ODAD3: variants seen among roughly 807,000 people sequenced by gnomAD.
The protein encoded by ODAD3 is outer dynein arm-docking complex subunit 3.
In ODAD3, 57 loss-of-function variants were observed where a neutral mutation model predicts 70.9. That is an observed-to-expected ratio of 0.80 (90% confidence interval 0.65 to 1.00). The LOEUF (loss-of-function observed/expected upper bound fraction) is 1.00, where lower values mean the gene tolerates loss of function less well. ODAD3 is among the 50% of genes least tolerant of loss of function. The probability of loss-of-function intolerance (pLI) is 0.00; values close to 1 mark genes in which losing one functional copy is unlikely to be tolerated. For synonymous variants in ODAD3, 327 were observed against 315.9 expected, an observed-to-expected ratio of 1.04 and a Z score of -0.37; for missense variants, 797 against 763.9, an observed-to-expected ratio of 1.04 and a Z score of -0.51.
At chr19:11,432,180 T>TGG (rs1485930808) in intron 1 of ODAD3, among the ~76,000 whole-genome samples, 1 of 152,200 alleles carries the variant, frequency 6.6e-6, no homozygotes, top group African/African-American at 2.4e-5. Context: ...GTCAGCCCTG[T>TGG]GGAACCTGCA....
chr19:11,435,522 C>T (rs1294372898), upstream of ODAD3: 2 of 462,426 alleles, frequency 4.3e-6, no homozygotes, highest in African/African-American at 2.0e-5. Flanking sequence ...AGATGGCCGT[C>T]TCGGCTCTGG....
chr19:11,433,613 C>G (rs1259495150), intron 1 of ODAD3, among the ~76,000 whole-genome samples: 1 of 152,190 alleles, frequency 6.6e-6, no homozygotes, highest in Non-Finnish European at 1.5e-5. Context: ...GGATTCCAAC[C>G]CAGAAAATCT....
At chr19:11,430,585 G>T in intron 3 of ODAD3, 114 bp downstream of exon 3, 1 of 939,354 alleles carries the variant, frequency 1.1e-6, no homozygotes, top group Non-Finnish European at 1.7e-6. Context: ...AATTGAATGA[G>T]CACATGAATG....
Position 11,422,843 on chromosome 19 carries a change from G to C in ODAD3, c.1135C>G (p.Leu379Val), listed in dbSNP as rs757344292. Residue 379 changes from leucine to valine, a missense_variant, in exon 9 of 13, where the codon CTG becomes GTG. Physicochemically the swap from Leu to Val is conservative, Grantham distance 32 (BLOSUM62 1). Coordinates refer to ENST00000356392, the MANE Select transcript of ODAD3 (RefSeq NM_145045.5). This position sits in a 1 kb window ranked among gnomAD's most constrained non-coding sequence, Gnocchi z 4.6. ...DETHSLVRRF[L>V]AQGDTFAQLE... The stretch of plus-strand genomic sequence containing the variant: ...TGCGCGAAGGTGTCGCCCTGGGCCA[G>C]GAACCGCCGCACCAACGACTGCGGG... The C allele has an allele frequency of 3.7e-6, 6 of 1,601,708 alleles. No homozygotes were observed. In the East Asian group the frequency reaches 1.3e-4, roughly 36 times the overall value.
intron 7 of ODAD3, among the ~76,000 whole-genome samples, chr19:11,425,281 A>T (rs141721345): frequency 7.1e-6 from 1 of 140,288 alleles, no homozygotes; most frequent in Non-Finnish European, 1.5e-5. Flanking sequence ...ATGTGTGTAT[A>T]TGTACATATG....
chr19:11,423,748 T>G, intron 8 of ODAD3, 129 bp downstream of exon 8: 1 of 891,172 alleles, frequency 1.1e-6, no homozygotes, highest in Non-Finnish European at 1.7e-6. Context: ...AGGAGCAGGT[T>G]TGTGAGCTGA....
chr19:11,425,312 CAT>C lies in ODAD3; in HGVS notation c.963+830_963+831del, dbSNP rs1491261486. Among the ~76,000 whole-genome samples the C allele has an allele frequency of 2.8e-4, 28 of 99,592 alleles. 3 individuals carry two copies. Among genetic ancestry groups the C allele is most frequent in the South Asian group, 6.3e-4 (2 of 3,158 alleles). 65.3% of individuals were successfully genotyped at this position (99,592 alleles called of 152,430 possible). ...ATATGTGTATATATGTGTATGTGTA[CAT>C]ATGTGTATATGTACATATGTGTATA... is the stretch of plus-strand genomic sequence containing the variant. On this transcript the variant is annotated intron_variant, in intron 7 of 12. Transcript: ENST00000356392.
rs1416506093 is a variant in ODAD3, at chr19:11,425,249, A to ATG, written c.963+893_963+894dup. On this transcript the variant is annotated intron_variant, in intron 7 of 12. Coordinates refer to ENST00000356392, the MANE Select transcript of ODAD3 (RefSeq NM_145045.5). The stretch of plus-strand genomic sequence containing the variant: ...TGTGTATATGTACATATGTGTATAT[A>ATG]TGTATATGTACATATGTGTATATGT... Among the ~76,000 whole-genome samples the ATG allele has an allele frequency of 4.8e-4, 54 of 113,284 alleles. 4 individuals are homozygous for ATG. Among genetic ancestry groups the ATG allele is most frequent in the African/African-American group, 2.6e-3 (43 of 16,766 alleles). The allele number at this position is 113,284 out of a possible 152,430, so 74.3% of individuals were successfully genotyped here. A position where few individuals can be genotyped will look rare whatever the true frequency, so the allele number is the denominator to read the frequency against.
At chr19:11,429,741 T>C (rs1037356236) in intron 3 of ODAD3, among the ~76,000 whole-genome samples, 1 of 151,706 alleles carries the variant, frequency 6.6e-6, no homozygotes, top group Non-Finnish European at 1.5e-5. Flanking sequence ...GGTTTCACCG[T>C]GTTAGCCAGG....
chr19:11,425,466 T>TATGTATATATACATATATGTGTGTGTAA (rs1969327867), intron 7 of ODAD3, among the ~76,000 whole-genome samples: 2 of 120,088 alleles, frequency 1.7e-5, no homozygotes, highest in African/African-American at 6.2e-5. Context: ...TGTGTGTGTA[T>TATGTATATATACATATATGTGTGTGTAA]ATATGTATAT....
intron 7 of ODAD3, among the ~76,000 whole-genome samples, 181 bp from the exon 8 acceptor site, chr19:11,424,210 G>C (rs1009583265): frequency 6.6e-6 from 1 of 152,166 alleles, no homozygotes; most frequent in Non-Finnish European, 1.5e-5. Flanking sequence ...AGTGGGACAA[G>C]GTCGGGCGCG....
intron 1 of ODAD3, among the ~76,000 whole-genome samples, chr19:11,431,509 G>T (rs1175098915): frequency 4.6e-5 from 7 of 151,804 alleles, no homozygotes; most frequent in Admixed American, 3.3e-4. Flanking sequence ...CCAGGTGTGA[G>T]GCTGAGCATG....
chr19:11,424,074 C>T lies in ODAD3; in HGVS notation c.964-45G>A, dbSNP rs1490432386. ...AGAGCCAGGGTCAGCTGGTGGACAG[C>T]GCTTGGGAAGGAGGCCGGGGAGGGG... is the stretch of plus-strand genomic sequence containing the variant. On this transcript the variant is annotated intron_variant, in intron 7 of 12. Transcript: ENST00000356392. 5 of 1,578,374 alleles carry T rather than the reference C, an allele frequency of 3.2e-6. No homozygotes were observed. In the African/African-American group the frequency reaches 4.0e-5, roughly 13 times the overall value.
Position 11,422,642 on chromosome 19 carries a change from G to A in ODAD3, c.1278-15C>T. The A allele has an allele frequency of 6.2e-7, 1 of 1,604,460 alleles. No individual in the cohort carries two copies. On this transcript the variant is annotated splice_polypyrimidine_tract_variant and intron_variant, in intron 9 of 12. Transcript: ENST00000356392. The surrounding 1 kb of genome is among the most constrained non-coding windows in gnomAD (Gnocchi z 4.6). ...GTTTCTGCTGGCTGCAGGGAGCCGG[G>A]AGGTCACCCCGGGGGCTCAGCCCGC...
intron 1 of ODAD3, among the ~76,000 whole-genome samples, chr19:11,434,260 G>A (rs1256166044): frequency 2.0e-5 from 3 of 148,402 alleles, no homozygotes; most frequent in African/African-American, 4.9e-5. Flanking sequence ...AGTGGCTCAC[G>A]CCTGTAATCC....
chr19:11,427,175 C>T (rs756998629), intron 3 of ODAD3, 135 bp from the exon 4 acceptor site: 103 of 930,568 alleles, frequency 1.1e-4, no homozygotes, highest in Middle Eastern at 1.0e-3. Flanking sequence ...CCTCCCTGGC[C>T]ACCCCTTCTG....
intron 1 of ODAD3, among the ~76,000 whole-genome samples, chr19:11,433,397 T>C (rs887229996): frequency 2.0e-5 from 3 of 152,250 alleles, no homozygotes; most frequent in Non-Finnish European, 4.4e-5. Context: ...AAATGGCCCC[T>C]GTGGGGCAAA....
At chr19:11,426,306 C>A in intron 6 of ODAD3, 40 bp from the exon 7 acceptor site, 3 of 1,611,128 alleles carry the variant, frequency 1.9e-6, no homozygotes, top group Non-Finnish European at 2.5e-6. Flanking sequence ...CAGCTGGCAC[C>A]TACCACTGCC....
chr19:11,431,206 G>GC, intron 1 of ODAD3, 186 bp from the exon 2 acceptor site: 1 of 653,482 alleles, frequency 1.5e-6, no homozygotes, highest in South Asian at 2.0e-5. Flanking sequence ...CCGCCTCCCG[G>GC]GTTCAAGAGA....
Sources: allele counts gnomAD v4.1 joint callset (sites outside exome capture counted in the v4.1 genomes callset), GRCh38; gene constraint gnomAD v4.1.1; non-coding constraint Gnocchi (gnomAD v3.1); transcripts MANE v1.5; gene names NCBI Gene and HGNC (gene_info 2026-07-23, HGNC 2026-07-21).